Variants in PAX2 observed in about 807,000 individuals in gnomAD.
PAX2 encodes the protein paired box protein Pax-2.
A neutral mutation model predicts 41.7 loss-of-function variants in PAX2; 9 were observed. The observed-to-expected ratio is 0.22, with a 90% CI of 0.13 to 0.38. PAX2 has a LOEUF of 0.38. PAX2 is among the 10% of genes least tolerant of loss of function. The pLI is 1.00. For synonymous variants in PAX2, 221 were observed against 212.7 expected, an observed-to-expected ratio of 1.04 and a Z score of -0.34; for missense variants, 418 against 531.6, an observed-to-expected ratio of 0.79 and a Z score of 2.10.
In PAX2 at chr10:100,748,457, G is replaced by C. The variant is rs1845293388; in HGVS notation, c.44-1289G>C. ...AGAAAGGGAGGGGAGAGAAATGAGG[G>C]GGGCACAGATGTCCCCGCTTTCTCC... On this transcript the variant is annotated intron_variant, in intron 1 of 9. Coordinates refer to ENST00000355243, the MANE Select transcript of PAX2 (RefSeq NM_000278.5). The surrounding 1 kb of genome is among the most constrained non-coding windows in gnomAD (Gnocchi z 5.0). 3 of 985,202 alleles carry C rather than the reference G, an allele frequency of 3.0e-6. No individual in the cohort carries two copies. Among genetic ancestry groups the C allele is most frequent in the Non-Finnish European group, 3.6e-6 (3 of 829,870 alleles). The allele number at this position is 985,202 out of a possible 1,614,324, so 61.0% of individuals were successfully genotyped here.
chr10:100,752,045 G>A (rs951004936), intron 3 of PAX2, among the ~76,000 whole-genome samples: 14 of 152,108 alleles, frequency 9.2e-5, no homozygotes, highest in Admixed American at 9.2e-4. Context: ...AAATGATATG[G>A]AATTATCCCA....
At position 100,748,425 on chromosome 10, in the gene PAX2, C is replaced by T. The variant is rs1407945364; in HGVS notation, c.44-1321C>T. The T allele has an allele frequency of 4.1e-6, 4 of 984,702 alleles. No individual in the cohort carries two copies. In the African/African-American group the frequency reaches 5.3e-5, roughly 13 times the overall value. 61.0% of individuals were successfully genotyped at this position (984,702 alleles called of 1,614,324 possible). A position where few individuals can be genotyped will look rare whatever the true frequency, so the allele number is the denominator to read the frequency against. ...GGTTTCACCGAGCTTGCTCTAGGTA[C>T]CCCCCGAGAAAGGGAGGGGAGAGAA... is the stretch of plus-strand genomic sequence containing the variant. On this transcript the variant is annotated intron_variant, in intron 1 of 9. Transcript: ENST00000355243. The surrounding 1 kb of genome is among the most constrained non-coding windows in gnomAD (Gnocchi z 5.0).
intron 3 of PAX2, among the ~76,000 whole-genome samples, chr10:100,764,614 T>A (rs1052550222): frequency 6.6e-6 from 1 of 152,176 alleles, no homozygotes; most frequent in Admixed American, 6.5e-5. Flanking sequence ...TTCAGTAATC[T>A]GACCATTGAG....
At chr10:100,780,275 C>T (rs1846563055) in intron 4 of PAX2, among the ~76,000 whole-genome samples, 1 of 152,154 alleles carries the variant, frequency 6.6e-6, no homozygotes, top group Admixed American at 6.5e-5. Flanking sequence ...CCCAGGCCTA[C>T]TAGAACACCT....
At chr10:100,800,642 C>A (rs1314507171) in intron 5 of PAX2, among the ~76,000 whole-genome samples, 1 of 152,148 alleles carries the variant, frequency 6.6e-6, no homozygotes, top group East Asian at 1.9e-4. Flanking sequence ...ACCCTTCTGT[C>A]CCTAGCCCTG....
At chr10:100,807,727 A>G (rs1847844771) in intron 6 of PAX2, among the ~76,000 whole-genome samples, 2 of 152,136 alleles carry the variant, frequency 1.3e-5, no homozygotes, top group African/African-American at 2.4e-5. Flanking sequence ...TCCCTGCTAC[A>G]CATGCAGCCC....
intron 7 of PAX2, among the ~76,000 whole-genome samples, chr10:100,821,449 C>T (rs890385354): frequency 6.6e-6 from 1 of 152,206 alleles, no homozygotes; most frequent in African/African-American, 2.4e-5. Context: ...TGGGACTCTT[C>T]TTTCACGTTT....
intron 3 of PAX2, among the ~76,000 whole-genome samples, chr10:100,777,691 A>C (rs1192975911): frequency 2.6e-5 from 4 of 152,230 alleles, no homozygotes; most frequent in Non-Finnish European, 5.9e-5. Context: ...CACTGCACCC[A>C]GCCAGTAGTG....
In PAX2 at chr10:100,745,855, G is replaced by A. The variant is rs1469598349; in HGVS notation, c.-406G>A. On this transcript the variant is annotated 5_prime_UTR_variant, in exon 1 of 10. Transcript: ENST00000355243. ...GGCGCCCTCTGACCGCCCCCGCCCC[G>A]CGCGCTCTCCGACCACCGCCTCTCG... 3.9e-6 allele frequency: 4 copies of A among 1,018,980 alleles called. No homozygotes were observed. The highest frequency in any genetic ancestry group is 3.5e-6 in the Non-Finnish European group (3 of 852,656). The allele number at this position is 1,018,980 out of a possible 1,614,324, so 63.1% of individuals were successfully genotyped here. A position where few individuals can be genotyped will look rare whatever the true frequency, so the allele number is the denominator to read the frequency against.
chr10:100,779,321 C>A (rs1306036363), intron 3 of PAX2, among the ~76,000 whole-genome samples, 177 bp from the exon 4 acceptor site: 2 of 152,218 alleles, frequency 1.3e-5, no homozygotes, highest in African/African-American at 4.8e-5. Context: ...ATCTGCGGAG[C>A]CAACAGAAGG....
chr10:100,798,002 G>C (rs1847397989), intron 5 of PAX2, among the ~76,000 whole-genome samples: 1 of 151,504 alleles, frequency 6.6e-6, no homozygotes, highest in Non-Finnish European at 1.5e-5. Context: ...GCTTGGTCAA[G>C]TACAGCAGGT....
chr10:100,806,600 G>T lies in PAX2; in HGVS notation c.787G>T (p.Glu263Ter). The T allele has an allele frequency of 6.2e-7, 1 of 1,613,818 alleles. No individual in the cohort carries two copies. The highest frequency in any genetic ancestry group is 1.1e-5 in the South Asian group (1 of 91,084). The change falls in exon 6 of 10, where the codon GAA (glutamate) becomes TAA (stop). Residue 263 changes from glutamate (E) to a stop codon, truncating the protein, a stop_gained. Transcript: ENST00000355243. LOFTEE classifies it high-confidence loss of function. Reference sequence around the variant, plus strand: ...CCAGGCATCAGAGCACATCAAATCAGAACAGGTGAGGAGGGAGCTTTCTGC... The same window carrying T: ...CCAGGCATCAGAGCACATCAAATCATAACAGGTGAGGAGGGAGCTTTCTGC... ...VFQASEHIKSEQGNEYSLPAL... is the reference protein window; with the variant it reads ...VFQASEHIKS
upstream of PAX2, among the ~76,000 whole-genome samples, chr10:100,744,794 GC>G (rs1845090549): frequency 6.6e-6 from 1 of 152,212 alleles, no homozygotes; most frequent in Non-Finnish European, 1.5e-5. Flanking sequence ...GTGGGTACTC[GC>G]CGGAGGTCTT....
chr10:100,825,676 A>G (rs1848527060), intron 8 of PAX2, among the ~76,000 whole-genome samples: 1 of 152,098 alleles, frequency 6.6e-6, no homozygotes, highest in Admixed American at 6.5e-5. Context: ...AATGGGGAGG[A>G]TAGAAGAGAG....
intron 5 of PAX2, among the ~76,000 whole-genome samples, chr10:100,796,869 T>C (rs1229163263): frequency 3.9e-5 from 6 of 152,232 alleles, no homozygotes; most frequent in Admixed American, 3.3e-4. Flanking sequence ...CCCATTCTTA[T>C]GACGACTAGC....
At chr10:100,741,814 C>T (rs4509693), upstream of PAX2, among the ~76,000 whole-genome samples, 121,552 of 152,248 alleles carry the variant, frequency 0.8, 48,768 homozygotes, top group East Asian at 1. Context: ...TGGTTCTAAA[C>T]AGCTTTTTCC....
chr10:100,782,799 A>G (rs989368427), intron 5 of PAX2, among the ~76,000 whole-genome samples: 2 of 152,244 alleles, frequency 1.3e-5, no homozygotes, highest in African/African-American at 4.8e-5. Flanking sequence ...GGTTGTGGGA[A>G]AGGCCCTAAG....
In PAX2 at chr10:100,748,377, C is replaced by T; in HGVS notation, c.44-1369C>T. 1 of 983,464 alleles carries T rather than the reference C, an allele frequency of 1.0e-6. No individual in the cohort carries two copies. Among genetic ancestry groups the T allele is most frequent in the Non-Finnish European group, 1.2e-6 (1 of 829,372 alleles). The allele number at this position is 983,464 out of a possible 1,614,324, so 60.9% of individuals were successfully genotyped here. A position where few individuals can be genotyped will look rare whatever the true frequency, so the allele number is the denominator to read the frequency against. On this transcript the variant is annotated intron_variant, in intron 1 of 9. Coordinates refer to ENST00000355243, the MANE Select transcript of PAX2 (RefSeq NM_000278.5). This position sits in a 1 kb window ranked among gnomAD's most constrained non-coding sequence, Gnocchi z 5.0. ...AAGGGGCTTCAGTCTCTCCCAGCAA[C>T]GCGATCAGAGGTCTTTCCCCAGGGT...
chr10:100,758,602 G>T (rs1002236611), intron 3 of PAX2, among the ~76,000 whole-genome samples: 1 of 152,258 alleles, frequency 6.6e-6, no homozygotes, highest in African/African-American at 2.4e-5. Flanking sequence ...GGCCCCAGCA[G>T]GAAGAGGCTC....
Sources: gnomAD v4.1 joint callset for allele counts (sites outside exome capture counted in the v4.1 genomes callset) on GRCh38, gnomAD v4.1.1 for gene constraint, Gnocchi (gnomAD v3.1) non-coding constraint, MANE v1.5 for transcripts, NCBI Gene and HGNC (gene_info 2026-07-23, HGNC 2026-07-21) for gene names.